ASIC2: variants seen among roughly 807,000 people sequenced by gnomAD.
ASIC2 encodes the protein acid-sensing ion channel 2.
Under a neutral mutation model 57.3 loss-of-function variants are expected in ASIC2, and 25 were observed. The observed-to-expected ratio is 0.44, with a 90% confidence interval of 0.32 to 0.61. The LOEUF is 0.61. Among genes scored for constraint, ASIC2 ranks in the 20% least tolerant of loss-of-function variants. The pLI is 0.06. For synonymous variants in ASIC2, 319 were observed against 307.5 expected (o/e 1.04, Z -0.39); for missense variants, 641 against 738.1 (o/e 0.87, Z 1.52).
At chr17:33,755,424 A>G (rs936346048) in intron 1 of ASIC2, among the ~76,000 whole-genome samples, 7 of 152,280 alleles carry the variant, frequency 4.6e-5, no homozygotes, top group Admixed American at 4.6e-4. Context: ...GGAAACGAAT[A>G]CAGCATCATT....
At chr17:33,194,917 T>G (rs548297153) in intron 1 of ASIC2, among the ~76,000 whole-genome samples, 1 of 152,220 alleles carries the variant, frequency 6.6e-6, no homozygotes, top group African/African-American at 2.4e-5. Context: ...GTGGGAAACT[T>G]TGGGGAAAGA....
At chr17:33,801,962 A>G (rs1172514563) in intron 1 of ASIC2, among the ~76,000 whole-genome samples, 1 of 152,310 alleles carries the variant, frequency 6.6e-6, no homozygotes, top group East Asian at 1.9e-4. Context: ...TATTCAAACT[A>G]TTCTCTAAAA....
At chr17:33,254,516 C>T (rs1908991125) in intron 1 of ASIC2, among the ~76,000 whole-genome samples, 1 of 152,116 alleles carries the variant, frequency 6.6e-6, no homozygotes, top group Non-Finnish European at 1.5e-5. Context: ...TTTGGATGCA[C>T]CCAGCTTCCT....
intron 1 of ASIC2, among the ~76,000 whole-genome samples, chr17:33,667,912 A>G (rs1282937571): frequency 6.6e-6 from 1 of 152,210 alleles, no homozygotes; most frequent in Non-Finnish European, 1.5e-5. Context: ...GTTGCCACAC[A>G]CAACCTCGTG....
At chr17:33,021,570 G>T (rs989626807) in intron 6 of ASIC2, among the ~76,000 whole-genome samples, 4 of 152,200 alleles carry the variant, frequency 2.6e-5, no homozygotes, top group African/African-American at 9.6e-5. Flanking sequence ...TGCACCCTAT[G>T]CAGGAGTCCT....
chr17:33,145,284 T>G (rs1053039873), intron 1 of ASIC2, among the ~76,000 whole-genome samples: 1 of 152,228 alleles, frequency 6.6e-6, no homozygotes, highest in Non-Finnish European at 1.5e-5. Flanking sequence ...GGTCCTAGAC[T>G]CCAGTTTCTT....
rs1458492461 is a variant in ASIC2 at position 33,894,331 on chromosome 17, G to GTGCA, written c.555+261646_555+261647insTGCA. 2.8e-3 allele frequency among the ~76,000 whole-genome samples: 387 copies of GTGCA among 138,116 alleles called. 1 individual carries two copies. Among genetic ancestry groups the GTGCA allele is most frequent in the African/African-American group, 8.2e-3 (299 of 36,302 alleles). 90.6% of individuals were successfully genotyped at this position (138,116 alleles called of 152,430 possible). A position where few individuals can be genotyped will look rare whatever the true frequency, so the allele number is the denominator to read the frequency against. ...AAGGACAGAATGAGAGAAGCTCTGC[G>GTGCA]TGCGTGCGTGCGTGCGTGCGTGTGT... On this transcript the variant is annotated intron_variant, in intron 1 of 9. Coordinates refer to the ASIC2 transcript ENST00000359872.
intron 1 of ASIC2, among the ~76,000 whole-genome samples, chr17:33,374,182 G>A (rs1909191291): frequency 6.6e-6 from 1 of 151,924 alleles, no homozygotes; most frequent in Non-Finnish European, 1.5e-5. Context: ...TTTTAGTAGA[G>A]ACAGGGTTTC....
intron 1 of ASIC2, among the ~76,000 whole-genome samples, chr17:33,265,113 C>G (rs755613647): frequency 6.6e-6 from 1 of 152,218 alleles, no homozygotes; most frequent in Non-Finnish European, 1.5e-5. Context: ...AGTTCCAATA[C>G]ACTCCCTGTA....
At chr17:33,550,777 C>T (rs1312529814) in intron 1 of ASIC2, among the ~76,000 whole-genome samples, 1 of 152,088 alleles carries the variant, frequency 6.6e-6, no homozygotes, top group East Asian at 1.9e-4. Context: ...TTGCAGTGGC[C>T]CTCTGTGCAT....
intron 1 of ASIC2, among the ~76,000 whole-genome samples, chr17:33,901,615 G>A (rs1008101511): frequency 6.6e-6 from 1 of 152,176 alleles, no homozygotes; most frequent in African/African-American, 2.4e-5. Flanking sequence ...TTAAAATGAA[G>A]AGTTAGCAAA....
At chr17:34,106,832 A>T (rs1911077731) in intron 1 of ASIC2, among the ~76,000 whole-genome samples, 1 of 152,182 alleles carries the variant, frequency 6.6e-6, no homozygotes, top group East Asian at 1.9e-4. Flanking sequence ...CCAGCCCTGG[A>T]ATATGAAAAG....
At chr17:33,110,456 G>A (rs1837141319) in intron 2 of ASIC2, among the ~76,000 whole-genome samples, 1 of 152,230 alleles carries the variant, frequency 6.6e-6, no homozygotes, top group African/African-American at 2.4e-5. Flanking sequence ...TCAACAAAGT[G>A]TCTCCTCAGA....
At chr17:33,610,405 C>T (rs2142015153) in intron 1 of ASIC2, among the ~76,000 whole-genome samples, 1 of 152,296 alleles carries the variant, frequency 6.6e-6, no homozygotes, top group Non-Finnish European at 1.5e-5. Context: ...GGTCTGCCCG[C>T]CTCGGCCTCC....
intron 1 of ASIC2, among the ~76,000 whole-genome samples, chr17:33,663,607 C>T (rs773856384): frequency 6.6e-6 from 1 of 152,056 alleles, no homozygotes; most frequent in Admixed American, 6.5e-5. Flanking sequence ...CCCTGTGCCT[C>T]GAGGTTCGTG....
chr17:33,379,861 T>C lies in ASIC2; in HGVS notation c.556-267794A>G, dbSNP rs193125495. Among the ~76,000 whole-genome samples the C allele has an allele frequency of 2.7e-4, 41 of 152,354 alleles. No individual in the cohort carries two copies. The Middle Eastern group carries it at 0.01, about 38-fold the overall frequency. On this transcript the variant is annotated intron_variant, in intron 1 of 9. Coordinates refer to the ASIC2 transcript ENST00000359872. ...CACTCTATTCCATGTACATCTCTTT[T>C]ATTATCATTTAAACTTGACTTTAGT...
At chr17:33,186,940 C>T (rs546469317) in intron 1 of ASIC2, among the ~76,000 whole-genome samples, 56 of 152,188 alleles carry the variant, frequency 3.7e-4, no homozygotes, top group African/African-American at 1.2e-3. Flanking sequence ...TTGTGATGTG[C>T]GACGAAAAGT....
At chr17:33,865,170 C>T (rs1486368077) in intron 1 of ASIC2, among the ~76,000 whole-genome samples, 7 of 152,134 alleles carry the variant, frequency 4.6e-5, no homozygotes, top group Non-Finnish European at 8.8e-5. Context: ...GATGTTGATG[C>T]CCCAGGTTGC....
intron 1 of ASIC2, among the ~76,000 whole-genome samples, chr17:33,134,930 C>G (rs1437636976): frequency 6.6e-6 from 1 of 152,138 alleles, no homozygotes; most frequent in East Asian, 1.9e-4. Context: ...AAGTCAGAGA[C>G]TTAGGATAGC....
Sources: allele counts gnomAD v4.1 joint callset (sites outside exome capture counted in the v4.1 genomes callset), GRCh38; gene constraint gnomAD v4.1.1; transcripts MANE v1.5; gene names NCBI Gene and HGNC (gene_info 2026-07-23, HGNC 2026-07-21).